The following INSIG1 variants were observed in gnomAD, a reference collection of about 807,000 sequenced individuals.
INSIG1 encodes insulin induced gene 1.
In INSIG1, 14 loss-of-function variants were observed where a neutral mutation model predicts 26.5. The ratio of observed to expected loss-of-function variants is 0.53; its 90% confidence interval spans 0.35 to 0.83. INSIG1 has a LOEUF of 0.83. Ranked by LOEUF, INSIG1 falls within the 40% of genes least tolerant of loss-of-function variation. The pLI is 0.01. For missense variants in INSIG1, 272 were observed against 368.9 expected (o/e 0.74, Z 2.15); for synonymous variants, 147 against 153.3 (o/e 0.96, Z 0.30).
intron 5 of INSIG1, among the ~76,000 whole-genome samples, chr7:155,304,244 G>A (rs903686053): frequency 2.6e-5 from 4 of 152,214 alleles, no homozygotes; most frequent in South Asian, 2.1e-4. Context: ...GATTATAGGC[G>A]TGAGCCTGGC....
chr7:155,301,507 G>A (rs1307324685), intron 2 of INSIG1, 59 bp from the exon 3 acceptor site: 13 of 1,532,390 alleles, frequency 8.5e-6, no homozygotes, highest in Admixed American at 7.1e-5. Flanking sequence ...TAATGACCAC[G>A]TTGAAATTCT....
chr7:155,308,104 C>A (rs1797983681), intron 5 of INSIG1, 137 bp from the exon 6 acceptor site: 2 of 579,938 alleles, frequency 3.4e-6, no homozygotes, highest in Admixed American at 2.9e-5. Flanking sequence ...GCACATGTCC[C>A]ACCTCTCAAT....
intron 5 of INSIG1, among the ~76,000 whole-genome samples, chr7:155,304,908 C>T (rs1358909955): frequency 6.7e-6 from 1 of 148,906 alleles, no homozygotes; most frequent in Non-Finnish European, 1.5e-5. Flanking sequence ...GAGGCTGAGG[C>T]GGGCGGATCA....
Position 155,308,250 on chromosome 7 carries a change from GA to G in INSIG1, c.818del (p.Lys273SerfsTer35). The G allele has an allele frequency of 6.3e-7, 1 of 1,594,574 alleles. No individual in the cohort carries two copies. Among genetic ancestry groups the G allele is most frequent in the South Asian group, 1.1e-5 (1 of 90,264 alleles). On this transcript the variant is annotated frameshift_variant, in exon 6 of 6. Coordinates refer to ENST00000340368, the MANE Select transcript of INSIG1 (RefSeq NM_005542.6). LOFTEE classifies it high-confidence loss of function. Reference sequence around the variant, plus strand: ...TCCTTTCTACACATAGGGTGTTCCTGAAAAGCCCCATAGTGATTGAGTCTTC... The same window carrying G: ...TCCTTTCTACACATAGGGTGTTCCTGAAAGCCCCATAGTGATTGAGTCTTC... ...IGRQLAMGVP[E>X]KPHSD is the part of the protein sequence containing the mutation.
chr7:155,297,979 AG>A lies in INSIG1; in HGVS notation c.-28+24del, dbSNP rs28362651. 8,177 of 242,418 alleles carry A rather than the reference AG, an allele frequency of 0.034. 358 individuals are homozygous for A. Among genetic ancestry groups the A allele is most frequent in the East Asian group, 0.13 (1,695 of 13,376 alleles). The allele number at this position is 242,418 out of a possible 1,614,324, so 15.0% of individuals were successfully genotyped here. ...GGCCAGGTACGCGGCCGGCTGGGAT[AG>A]GGGTCGCGGGCGGGCTTTGGTCGCG... On this transcript the variant is annotated intron_variant, in intron 1 of 5. Coordinates refer to ENST00000340368, the MANE Select transcript of INSIG1 (RefSeq NM_005542.6).
chr7:155,305,357 G>A (rs116347470), intron 5 of INSIG1, among the ~76,000 whole-genome samples: 1,948 of 152,070 alleles, frequency 0.013, 36 homozygotes, highest in African/African-American at 0.045. Context: ...ATCAAACCCC[G>A]GAAATGGCCC....
At position 155,306,009 on chromosome 7, in the gene INSIG1, T is replaced by C. The variant is rs1298769947; in HGVS notation, c.805-2232T>C. ...GCTTTTTGTTTGTTTTTATTTTTAC[T>C]TTTTTTGAGACGGAGTCTTGCTTTG... On this transcript the variant is annotated intron_variant, in intron 5 of 5. Transcript: ENST00000340368. Among the ~76,000 whole-genome samples, 3 of 152,320 alleles carry C rather than the reference T, an allele frequency of 2.0e-5. No homozygotes were observed. In the East Asian group the frequency reaches 5.8e-4, roughly 29 times the overall value.
intron 1 of INSIG1, 119 bp from the exon 2 acceptor site, chr7:155,298,140 G>T: frequency 2.5e-6 from 2 of 796,924 alleles, no homozygotes; most frequent in Non-Finnish European, 3.5e-6. Flanking sequence ...GCGGGCGCAC[G>T]GGGGTCTAAC....
chr7:155,298,761 CA>C (rs1263205771), intron 2 of INSIG1, 64 bp downstream of exon 2: 1 of 1,444,480 alleles, frequency 6.9e-7, no homozygotes, highest in Non-Finnish European at 9.4e-7. Context: ...AAGTACTTTT[CA>C]GCCTATAAGA....
chr7:155,298,312 G>A lies in INSIG1; in HGVS notation c.27G>A (p.Trp9Ter). The A allele has an allele frequency of 6.6e-7, 1 of 1,506,958 alleles. No homozygotes were observed. Among genetic ancestry groups the A allele is most frequent in the Non-Finnish European group, 8.8e-7 (1 of 1,136,314 alleles). 93.3% of individuals were successfully genotyped at this position (1,506,958 alleles called of 1,614,324 possible). ...TGCCCAGATTGCACGACCACTTCTG[G>A]AGCTGCTCCTGTGCGCACAGCGCGA... MPRLHDHF[W>*]SCSCAHSARR... The change falls in exon 2 of 6, where the codon TGG (tryptophan) becomes TGA (stop). Residue 9 changes from tryptophan to a stop codon, truncating the protein, a stop_gained. Coordinates refer to ENST00000340368, the MANE Select transcript of INSIG1 (RefSeq NM_005542.6). LOFTEE classifies it high-confidence loss of function.
chr7:155,303,926 ACT>A lies in INSIG1; in HGVS notation c.804+1085_804+1086del, dbSNP rs777538409. On this transcript the variant is annotated intron_variant, in intron 5 of 5. Transcript: ENST00000340368. Reference sequence around the variant, plus strand: ...ATTTGCAGTCTTCCACTGGTTACTGACTCTCTGCTGCCAAATTTCTCATGATG... The same window carrying A: ...ATTTGCAGTCTTCCACTGGTTACTGACTCTGCTGCCAAATTTCTCATGATG... 47 of 1,194,900 alleles carry A rather than the reference ACT, an allele frequency of 3.9e-5. No homozygotes were observed. The African/African-American group carries it at 6.4e-4, about 16-fold the overall frequency. The allele number at this position is 1,194,900 out of a possible 1,614,324, so 74.0% of individuals were successfully genotyped here. A position where few individuals can be genotyped will look rare whatever the true frequency, so the allele number is the denominator to read the frequency against.
At chr7:155,298,225 C>T in intron 1 of INSIG1, 34 bp from the exon 2 acceptor site, 1 of 1,409,784 alleles carries the variant, frequency 7.1e-7, no homozygotes, top group Non-Finnish European at 9.3e-7. Context: ...CTCTTTGTCT[C>T]TTCTGAGTGA....
Position 155,308,528 on chromosome 7 carries a change from A to C in INSIG1, c.*258A>C. On this transcript the variant is annotated 3_prime_UTR_variant, in exon 6 of 6. Transcript: ENST00000340368. ...CATTCTGCCCAGGCTACGTGGGTTC[A>C]GGCAGGTGGCAGCTTCCCAAGTATT... 4.1e-6 allele frequency: 2 copies of C among 487,282 alleles called. No individual in the cohort carries two copies. Among genetic ancestry groups the C allele is most frequent in the South Asian group, 3.4e-5 (1 of 29,512 alleles). 30.2% of individuals were successfully genotyped at this position (487,282 alleles called of 1,614,324 possible).
chr7:155,306,428 C>T (rs1379521424), intron 5 of INSIG1, among the ~76,000 whole-genome samples: 2 of 152,272 alleles, frequency 1.3e-5, no homozygotes, highest in African/African-American at 4.8e-5. Context: ...CAAGCCTGTC[C>T]TGCTGCCACT....
chr7:155,303,975 C>T (rs75084937), intron 5 of INSIG1: 3 of 387,486 alleles, frequency 7.7e-6, no homozygotes, highest in African/African-American at 6.2e-5. Context: ...ACTTTGCTTG[C>T]CTTTTTTTTT....
intron 1 of INSIG1, 74 bp downstream of exon 1, chr7:155,298,033 C>T (rs1249313916): frequency 2.8e-6 from 1 of 359,570 alleles, no homozygotes; most frequent in Non-Finnish European, 5.0e-6. Context: ...CGGAGGTAGG[C>T]GGGCGCGGGC....
intron 5 of INSIG1, 32 bp from the exon 6 acceptor site, chr7:155,308,209 T>C: frequency 1.7e-6 from 2 of 1,174,242 alleles, no homozygotes; most frequent in Non-Finnish European, 1.2e-6. Context: ...GCTAATTTTC[T>C]CTTTCCTTTT....
At position 155,309,345 on chromosome 7, in the gene INSIG1, A is replaced by G. The variant is rs542794236; in HGVS notation, c.*1075A>G. 6.6e-6 allele frequency: 1 copy of G among 152,300 alleles called. No homozygotes were observed. The highest frequency in any genetic ancestry group is 1.5e-5 in the Non-Finnish European group (1 of 67,976). 9.4% of individuals were successfully genotyped at this position (152,300 alleles called of 1,614,324 possible). A position where few individuals can be genotyped will look rare whatever the true frequency, so the allele number is the denominator to read the frequency against. ...TGAGCCTTGTATCTCTTAAATATTTATTTTTTTTAACGTGTGAGATGTTCG... is the reference window on the plus strand; with the variant it reads ...TGAGCCTTGTATCTCTTAAATATTTGTTTTTTTTAACGTGTGAGATGTTCG... On this transcript the variant is annotated 3_prime_UTR_variant, in exon 6 of 6. Coordinates refer to ENST00000340368, the MANE Select transcript of INSIG1 (RefSeq NM_005542.6).
Position 155,297,939 on chromosome 7 carries a change from G to T in INSIG1, c.-48G>T. 1 of 188,644 alleles carries T rather than the reference G, an allele frequency of 5.3e-6. No homozygotes were observed. The highest frequency in any genetic ancestry group is 1.1e-5 in the Non-Finnish European group (1 of 92,442). The allele number at this position is 188,644 out of a possible 1,614,324, so 11.7% of individuals were successfully genotyped here. On this transcript the variant is annotated 5_prime_UTR_variant, in exon 1 of 6. Transcript: ENST00000340368. ...CCCCGCCTCCGTTCGGAGAGCCGGC[G>T]GGCGGGCGCCTCTCGGCCAGGTACG...
Sources: allele counts gnomAD v4.1 joint callset (sites outside exome capture counted in the v4.1 genomes callset), GRCh38; gene constraint gnomAD v4.1.1; transcripts MANE v1.5; gene names NCBI Gene and HGNC (gene_info 2026-07-23, HGNC 2026-07-21).